TRIB3: variants seen among roughly 807,000 people sequenced by gnomAD.
The protein encoded by TRIB3 is tribbles pseudokinase 3, also known as tribbles homolog 3.
Under a neutral mutation model 16.6 loss-of-function variants are expected in TRIB3, and 20 were observed. That is an observed-to-expected ratio of 1.20 (90% CI 0.85 to 1.75). The LOEUF (loss-of-function observed/expected upper bound fraction) is 1.75, where lower values mean the gene tolerates loss of function less well. TRIB3 is among the 40% of genes most tolerant of loss of function. The pLI is 0.00. For synonymous variants in TRIB3, 208 were observed against 217.0 expected, an observed-to-expected ratio of 0.96 and a Z score of 0.36; for missense variants, 484 against 488.9, an observed-to-expected ratio of 0.99 and a Z score of 0.10.
rs1020671236 is a variant in TRIB3 at position 381,033 on chromosome 20, T to C, written c.-137T>C. On this transcript the variant is annotated 5_prime_UTR_variant, in exon 1 of 4. Coordinates refer to ENST00000217233, the MANE Select transcript of TRIB3 (RefSeq NM_021158.5). ...TGGAGGCGGCTCCGCGCGCGTCCGC[T>C]GCTAGGACCCGGGCAGGGCTGGAGC... 1 of 149,388 alleles carries C rather than the reference T, an allele frequency of 6.7e-6. No homozygotes were observed. Among genetic ancestry groups the C allele is most frequent in the Non-Finnish European group, 1.5e-5 (1 of 66,640 alleles). The allele number at this position is 149,388 out of a possible 1,614,324, so 9.3% of individuals were successfully genotyped here.
chr20:384,355 CG>C (rs1026789393), intron 1 of TRIB3, among the ~76,000 whole-genome samples: 9 of 148,414 alleles, frequency 6.1e-5, no homozygotes, highest in South Asian at 4.3e-4. Context: ...ATGAAATAGA[CG>C]TTTTTTTCTT....
At chr20:392,178 T>C (rs935355673) in intron 3 of TRIB3, among the ~76,000 whole-genome samples, 3 of 152,136 alleles carry the variant, frequency 2.0e-5, no homozygotes, top group African/African-American at 7.2e-5. Context: ...AGGCAGGTAC[T>C]GTTATTATCC....
intron 1 of TRIB3, among the ~76,000 whole-genome samples, chr20:386,729 C>T (rs551954065): frequency 2.9e-4 from 44 of 152,280 alleles, no homozygotes; most frequent in South Asian, 2.5e-3. Context: ...CACGCCACCA[C>T]GCCTGGCTAA....
At position 396,872 on chromosome 20, in the gene TRIB3, T is replaced by G; in HGVS notation, c.*182T>G. The G allele has an allele frequency of 2.2e-6, 2 of 912,572 alleles. No homozygotes were observed. The highest frequency in any genetic ancestry group is 5.4e-5 in the East Asian group (2 of 37,342). The allele number at this position is 912,572 out of a possible 1,614,324, so 56.5% of individuals were successfully genotyped here. A position where few individuals can be genotyped will look rare whatever the true frequency, so the allele number is the denominator to read the frequency against. ...GTTCCACACACATGCAGTTCCTGCT[T>G]GGGTGCTTATCAGGTGCCAAGCCCT... On this transcript the variant is annotated 3_prime_UTR_variant, in exon 4 of 4. Transcript: ENST00000217233.
intron 1 of TRIB3, among the ~76,000 whole-genome samples, chr20:384,514 C>G (rs796560258): frequency 9.2e-5 from 14 of 152,236 alleles, no homozygotes; most frequent in African/African-American, 3.1e-4. Context: ...CAGGCATGCA[C>G]CACCATGCCC....
Position 396,824 on chromosome 20 carries a change from T to C in TRIB3, c.*134T>C, listed in dbSNP as rs1469360373. Reference sequence around the variant, plus strand: ...GAGAAAGGCAGAAGCCTGTGTGGAGTGTGCTGTGTACACATCTGCTTTGTT... The same window carrying C: ...GAGAAAGGCAGAAGCCTGTGTGGAGCGTGCTGTGTACACATCTGCTTTGTT... On this transcript the variant is annotated 3_prime_UTR_variant, in exon 4 of 4. Transcript: ENST00000217233. The C allele has an allele frequency of 3.7e-6, 5 of 1,356,518 alleles. No homozygotes were observed. The highest frequency in any genetic ancestry group is 2.9e-5 in the African/African-American group (2 of 68,954). The allele number at this position is 1,356,518 out of a possible 1,614,324, so 84.0% of individuals were successfully genotyped here.
chr20:382,724 T>C (rs2014696547), intron 1 of TRIB3: 2 of 846,138 alleles, frequency 2.4e-6, no homozygotes, highest in Non-Finnish European at 3.8e-6. Context: ...GAACTGAGGC[T>C]CAGAAAGCTT....
Position 396,414 on chromosome 20 carries a change from C to G in TRIB3, c.801C>G (p.Val267=), listed in dbSNP as rs372042107. ...ACCCCTTCCAGGACTCGGAGCCTGT[C>G]CTGCTCTTCGGCAAGATCCGCCGCG... The part of the protein sequence containing the change: ...GHYPFQDSEP[V]LLFGKIRRGA... The change falls in exon 4 of 4, where the codon GTC becomes GTG. Residue 267 remains valine (V), a synonymous_variant. Transcript: ENST00000217233. 1.2e-5 allele frequency: 20 copies of G among 1,613,070 alleles called. No individual in the cohort carries two copies. In the African/African-American group the frequency reaches 2.4e-4, roughly 19 times the overall value.
chr20:385,134 C>T (rs754592139), intron 1 of TRIB3, among the ~76,000 whole-genome samples: 10 of 152,174 alleles, frequency 6.6e-5, no homozygotes, highest in South Asian at 2.1e-4. Context: ...ATTTTTGAGA[C>T]GGAGTTTCAC....
chr20:387,799 C>T (rs993590629), intron 1 of TRIB3, among the ~76,000 whole-genome samples: 1 of 152,124 alleles, frequency 6.6e-6, no homozygotes, highest in Non-Finnish European at 1.5e-5. Flanking sequence ...GATGAACAGC[C>T]TTTACTATAT....
Position 388,063 on chromosome 20 carries a change from G to A in TRIB3, c.53G>A (p.Arg18Gln), listed in dbSNP as rs201854555. The change falls in exon 2 of 4, where the codon CGG becomes CAG. Residue 18 changes from arginine to glutamine, a missense_variant. By Grantham distance (43) the Arg-to-Gln change is conservative. Coordinates refer to ENST00000217233, the MANE Select transcript of TRIB3 (RefSeq NM_021158.5). ...APAGSLSRKK[R>Q]LELDDNLDTE... Reference sequence around the variant, plus strand: ...GCGGGTTCCCTGTCCAGGAAGAAGCGGTTGGAGTTGGATGACAACTTAGAT... The same window carrying A: ...GCGGGTTCCCTGTCCAGGAAGAAGCAGTTGGAGTTGGATGACAACTTAGAT... 58 of 1,614,114 alleles carry A rather than the reference G, an allele frequency of 3.6e-5. No individual in the cohort carries two copies. The Admixed American group carries it at 4.0e-4, about 11-fold the overall frequency.
intron 1 of TRIB3, among the ~76,000 whole-genome samples, chr20:387,671 G>A (rs2014856345): frequency 6.6e-6 from 1 of 151,916 alleles, no homozygotes; most frequent in African/African-American, 2.4e-5. Context: ...GAGCTTCCTT[G>A]TCCTTTTTCA....
intron 2 of TRIB3, among the ~76,000 whole-genome samples, chr20:389,640 C>T (rs1055473189): frequency 4.6e-5 from 7 of 152,156 alleles, no homozygotes; most frequent in African/African-American, 1.7e-4. Flanking sequence ...CTTCCTGCAG[C>T]ATCACAGGCT....
intron 2 of TRIB3, among the ~76,000 whole-genome samples, 192 bp from the exon 3 acceptor site, chr20:391,095 C>T (rs961364679): frequency 2.6e-5 from 4 of 151,592 alleles, no homozygotes; most frequent in African/African-American, 7.3e-5. Context: ...CTCTCAGCTT[C>T]GTTAACCGTA....
chr20:383,547 A>T (rs2014717107), intron 1 of TRIB3, among the ~76,000 whole-genome samples: 1 of 152,174 alleles, frequency 6.6e-6, no homozygotes, highest in South Asian at 2.1e-4. Flanking sequence ...GGCTCAAGTG[A>T]TTCCCCTACT....
chr20:382,527 C>T, intron 1 of TRIB3: 2 of 1,535,426 alleles, frequency 1.3e-6, no homozygotes, highest in Admixed American at 2.0e-5. Flanking sequence ...ACCTGGGGAG[C>T]TTTCTAAGAC....
At chr20:386,304 C>T (rs563409962) in intron 1 of TRIB3, among the ~76,000 whole-genome samples, 16 of 152,122 alleles carry the variant, frequency 1.1e-4, no homozygotes, top group African/African-American at 1.4e-4. Flanking sequence ...TGTGAATGTA[C>T]GAGAGCCATG....
chr20:382,126 T>C (rs766444018), intron 1 of TRIB3, among the ~76,000 whole-genome samples: 44 of 83,958 alleles, frequency 5.2e-4, no homozygotes, highest in African/African-American at 7.5e-4. Flanking sequence ...TGTGTGTGTG[T>C]GCGTGCGCGC....
intron 3 of TRIB3, among the ~76,000 whole-genome samples, chr20:392,166 C>T (rs573279801): frequency 3.9e-5 from 6 of 152,208 alleles, no homozygotes; most frequent in African/African-American, 7.2e-5. Context: ...CTTACAAACA[C>T]GAGGCAGGTA....
Sources: gnomAD v4.1 joint callset for allele counts (sites outside exome capture counted in the v4.1 genomes callset) on GRCh38, gnomAD v4.1.1 for gene constraint, MANE v1.5 for transcripts, NCBI Gene and HGNC (gene_info 2026-07-23, HGNC 2026-07-21) for gene names.